AFF2: variants seen among roughly 807,000 people sequenced by gnomAD.
AFF2 encodes the protein ALF transcription elongation factor 2.
A neutral mutation model predicts 76.9 loss-of-function variants in AFF2; 14 were observed. That is an observed-to-expected ratio of 0.18 (90% CI 0.12 to 0.28). The LOEUF (loss-of-function observed/expected upper bound fraction) is 0.28. Among genes scored for constraint, AFF2 ranks in the 10% least tolerant of loss-of-function variants. The pLI, the probability that AFF2 is intolerant of heterozygous loss-of-function variation, is 1.00. For missense variants in AFF2, 868 were observed against 1,001.1 expected (o/e 0.87, Z 1.79); for synonymous variants, 398 against 366.7 (o/e 1.09, Z -0.98).
At chrX:148,870,392 A>G (rs782477732) in intron 7 of AFF2, among the ~76,000 whole-genome samples, 1 of 112,574 alleles carries the variant, frequency 8.9e-6, no homozygotes. Context: ...AAATGTTTGT[A>G]GGAAGCAGCT....
chrX:148,802,231 G>T (rs2070068992), intron 3 of AFF2, among the ~76,000 whole-genome samples: 1 of 112,275 alleles, frequency 8.9e-6, no homozygotes, highest in Admixed American at 9.5e-5. Context: ...CAAAAGATGT[G>T]TGAAAGATCG....
At chrX:148,807,934 G>C (rs927294587) in intron 3 of AFF2, among the ~76,000 whole-genome samples, 1 of 112,360 alleles carries the variant, frequency 8.9e-6, no homozygotes, top group South Asian at 3.7e-4. Flanking sequence ...AACATTCATT[G>C]TGTGGAATAA....
At chrX:148,903,049 G>T (rs1322760625) in intron 8 of AFF2, among the ~76,000 whole-genome samples, 1 of 109,234 alleles carries the variant, frequency 9.2e-6, no homozygotes, top group Non-Finnish European at 1.9e-5. Context: ...GCTAAAAGTG[G>T]TTGCCTCTGT....
At chrX:148,667,455 A>C (rs1407125446) in intron 3 of AFF2, among the ~76,000 whole-genome samples, 1 of 112,331 alleles carries the variant, frequency 8.9e-6, no homozygotes, top group African/African-American at 3.2e-5. Flanking sequence ...ACTCATGCTA[A>C]GAATTTTTCA....
Position 148,836,426 on chromosome X carries a change from G to C in AFF2, c.1087-1221G>C, listed in dbSNP as rs781945811. On this transcript the variant is annotated intron_variant, in intron 4 of 20. Transcript: ENST00000370460. ...AGAAGGAAAAAAACCTTGTTTTAGT[G>C]CTACCTGAGAGTTCTTATTAATATT... Among the ~76,000 whole-genome samples, 3 of 111,214 alleles carry C rather than the reference G, an allele frequency of 2.7e-5. No homozygotes were observed. The South Asian group carries it at 1.2e-3, about 43-fold the overall frequency.
chrX:148,502,377 T>C (rs1173628903), intron 1 of AFF2, among the ~76,000 whole-genome samples: 4 of 112,588 alleles, frequency 3.6e-5, no homozygotes, highest in Non-Finnish European at 5.6e-5. Flanking sequence ...AAAAGGGTCA[T>C]ATGCTTAGCC....
At position 148,967,799 on chromosome X, in the gene AFF2, C is replaced by T. The variant is rs782560783; in HGVS notation, c.3267+107C>T. ...AAATTTTCAGTATCACAGCCCACAC[C>T]TGCCTGTCAACACATTGCTGCCCTG... On this transcript the variant is annotated intron_variant, in intron 15 of 20. Coordinates refer to ENST00000370460, the MANE Select transcript of AFF2 (RefSeq NM_002025.4). 3.1e-5 allele frequency: 20 copies of T among 653,507 alleles called. No individual in the cohort carries two copies. The East Asian group carries it at 3.4e-4, about 11-fold the overall frequency. The allele number at this position is 653,507 out of a possible 1,213,427, so 53.9% of individuals were successfully genotyped here. A position where few individuals can be genotyped will look rare whatever the true frequency, so the allele number is the denominator to read the frequency against.
Position 148,966,967 on chromosome X carries a change from A to C in AFF2, c.3091A>C (p.Thr1031Pro). ...TTISTITSTI[T>P]TGLMDSSHLE... The stretch of plus-strand genomic sequence containing the variant: ...CATTTCCACCATCACCTCTACCATC[A>C]CTACTGGCCTCATGGATAGCAGTCA... The change falls in exon 14 of 21, where the codon ACT becomes CCT. Residue 1031 changes from threonine to proline, a missense_variant. Thr to Pro is a conservative substitution (Grantham distance 38, BLOSUM62 -1). Coordinates refer to ENST00000370460, the MANE Select transcript of AFF2 (RefSeq NM_002025.4). 8.3e-7 allele frequency: 1 copy of C among 1,210,800 alleles called. No individual in the cohort carries two copies. Among genetic ancestry groups the C allele is most frequent in the South Asian group, 1.8e-5 (1 of 56,899 alleles).
At chrX:148,523,319 C>A (rs1349193904) in intron 1 of AFF2, among the ~76,000 whole-genome samples, 2 of 111,762 alleles carry the variant, frequency 1.8e-5, no homozygotes, top group African/African-American at 6.5e-5. Flanking sequence ...TGTACATATA[C>A]CCCATTCATG....
intron 3 of AFF2, among the ~76,000 whole-genome samples, chrX:148,791,940 G>A: frequency 9.0e-6 from 1 of 110,783 alleles, no homozygotes; most frequent in Middle Eastern, 4.6e-3. Context: ...AAGGAATTTT[G>A]CAAAATAAAA....
chrX:148,810,830 G>A (rs1003693207), intron 4 of AFF2, among the ~76,000 whole-genome samples: 3 of 111,497 alleles, frequency 2.7e-5, no homozygotes, highest in East Asian at 2.8e-4. Context: ...TAATCTATGT[G>A]CCAGTGAAAA....
At chrX:148,733,581 A>T (rs951743759) in intron 3 of AFF2, among the ~76,000 whole-genome samples, 1 of 112,174 alleles carries the variant, frequency 8.9e-6, no homozygotes, top group African/African-American at 3.2e-5. Context: ...TAAAAAATTG[A>T]AATATTACTG....
chrX:148,735,606 CTAAA>C (rs782059609), intron 3 of AFF2, among the ~76,000 whole-genome samples: 16 of 111,131 alleles, frequency 1.4e-4, no homozygotes, highest in Admixed American at 3.8e-4. Flanking sequence ...TTTTGAGTAC[CTAAA>C]TATTTATTTT....
intron 1 of AFF2, among the ~76,000 whole-genome samples, chrX:148,513,105 AT>A (rs1260618649): frequency 2.7e-5 from 3 of 112,124 alleles, no homozygotes. Context: ...ATTTTATTTC[AT>A]TTTTAAGATT....
At chrX:148,700,419 A>AGTGT (rs368077947) in intron 3 of AFF2, among the ~76,000 whole-genome samples, 25,324 of 82,191 alleles carry the variant, frequency 0.31, 3,753 homozygotes, top group East Asian at 0.64. Context: ...GTACTGTTGA[A>AGTGT]GTGTGTGTGT....
chrX:148,756,098 TAGCTGTAAGGAAGATATTTAACTGCCC>T, intron 3 of AFF2, among the ~76,000 whole-genome samples: 1 of 112,434 alleles, frequency 8.9e-6, no homozygotes, highest in Middle Eastern at 4.6e-3. Context: ...TGTCTCTTTC[TAGCTGTAAGGAAGATATTTAACTGCCC>T]TGAGTCTCAC....
intron 1 of AFF2, among the ~76,000 whole-genome samples, chrX:148,560,514 A>G (rs1015572529): frequency 1.7e-4 from 19 of 112,354 alleles, no homozygotes; most frequent in African/African-American, 5.8e-4. Context: ...AACAGCAACA[A>G]AAGCCAAAAT....
chrX:148,501,245 G>A, intron 1 of AFF2, 101 bp downstream of exon 1: 2 of 1,040,697 alleles, frequency 1.9e-6, no homozygotes, highest in South Asian at 4.1e-5. Flanking sequence ...CGTGGGGGGC[G>A]CCCCGGACTC....
intron 3 of AFF2, among the ~76,000 whole-genome samples, chrX:148,773,292 A>G (rs935387302): frequency 2.7e-5 from 3 of 111,141 alleles, no homozygotes; most frequent in South Asian, 3.8e-4. Flanking sequence ...GAAAGAAAAT[A>G]TATGTATCTC....
Sources: allele counts gnomAD v4.1 joint callset (sites outside exome capture counted in the v4.1 genomes callset), GRCh38; gene constraint gnomAD v4.1.1; transcripts MANE v1.5; gene names NCBI Gene and HGNC (gene_info 2026-07-23, HGNC 2026-07-21).